The following FHIP1A variants were observed in gnomAD, a reference collection of about 807,000 sequenced individuals.
The protein encoded by FHIP1A is FHF complex subunit HOOK interacting protein 1A, also known as FHF complex subunit HOOK-interacting protein 1A.
A neutral mutation model predicts 88.6 loss-of-function variants in FHIP1A; 61 were observed. That is an observed-to-expected ratio of 0.69 (90% CI 0.56 to 0.85). The LOEUF is 0.85. Ranked by LOEUF, FHIP1A falls within the 40% of genes least tolerant of loss-of-function variation. The pLI is 0.00. For missense variants in FHIP1A, 1,154 were observed against 1,273.5 expected (o/e 0.91, Z 1.43); for synonymous variants, 478 against 496.0 (o/e 0.96, Z 0.48).
At chr4:151,662,316 T>A (rs1424567721) in intron 13 of FHIP1A, among the ~76,000 whole-genome samples, 185 bp from the exon 14 acceptor site, 1 of 152,200 alleles carries the variant, frequency 6.6e-6, no homozygotes. Context: ...GGAGGATATC[T>A]GTTGGGCAAA....
At chr4:151,478,349 C>CT (rs1580612924) in intron 2 of FHIP1A, among the ~76,000 whole-genome samples, 5 of 152,212 alleles carry the variant, frequency 3.3e-5, no homozygotes. Context: ...CATGCCTAGC[C>CT]TCATTTCAAA....
At chr4:151,494,398 A>T (rs925534225) in intron 3 of FHIP1A, among the ~76,000 whole-genome samples, 6 of 152,216 alleles carry the variant, frequency 3.9e-5, no homozygotes, top group African/African-American at 1.4e-4. Flanking sequence ...ATGGCTAGCT[A>T]GTTATGCCAG....
chr4:151,490,028 A>G (rs1172972704), intron 3 of FHIP1A, among the ~76,000 whole-genome samples: 1 of 152,130 alleles, frequency 6.6e-6, no homozygotes. Flanking sequence ...TCTTGAAAGC[A>G]CCACCTCCTG....
chr4:151,452,156 A>G (rs1728813954), intron 1 of FHIP1A, among the ~76,000 whole-genome samples: 1 of 152,188 alleles, frequency 6.6e-6, no homozygotes. Context: ...AACCTCAACA[A>G]GGATTCTGTT....
intron 5 of FHIP1A, among the ~76,000 whole-genome samples, chr4:151,581,948 T>A (rs73862064): frequency 0.42 from 64,355 of 151,908 alleles, 13,753 homozygotes; most frequent in Non-Finnish European, 0.45. Context: ...AAGAAGGAGA[T>A]TGAAGATACT....
chr4:151,602,724 A>G (rs10015816), intron 7 of FHIP1A, among the ~76,000 whole-genome samples: 5,142 of 152,256 alleles, frequency 0.034, 296 homozygotes, highest in African/African-American at 0.12. Flanking sequence ...GGAGTCAGAT[A>G]AGGGGCTCAG....
chr4:151,479,370 G>C (rs1729818045), intron 2 of FHIP1A, among the ~76,000 whole-genome samples: 1 of 152,022 alleles, frequency 6.6e-6, no homozygotes, highest in African/African-American at 2.4e-5. Flanking sequence ...AAGACTTTAA[G>C]TTATTATTAA....
chr4:151,492,774 T>A (rs1730330811), intron 3 of FHIP1A, among the ~76,000 whole-genome samples: 1 of 152,102 alleles, frequency 6.6e-6, no homozygotes, highest in Non-Finnish European at 1.5e-5. Flanking sequence ...CATTAACAAA[T>A]TCTTTGAACT....
intron 3 of FHIP1A, among the ~76,000 whole-genome samples, chr4:151,523,192 G>A (rs186462155): frequency 1.2e-3 from 178 of 152,300 alleles, no homozygotes; most frequent in African/African-American, 4.1e-3. Context: ...ATCAACTTAA[G>A]AAGAGGTGGC....
chr4:151,650,174 G>GCTC lies in FHIP1A; in HGVS notation c.2134_2135insTCC (p.Glu711_Pro712insLeu). The GCTC allele has an allele frequency of 6.4e-7, 1 of 1,551,702 alleles. No individual in the cohort carries two copies. The highest frequency in any genetic ancestry group is 8.7e-7 in the Non-Finnish European group (1 of 1,146,996). ...ACCCGTTTCACAGTGAGCCCAAGGA[G>GCTC]CCAAAGCAAGAGAGGGAACCTGAAG... is the stretch of plus-strand genomic sequence containing the variant. On this transcript the variant is annotated inframe_insertion, in exon 11 of 14. Coordinates refer to ENST00000435205, the MANE Select transcript of FHIP1A (RefSeq NM_001109977.3).
rs962550429 is a variant in FHIP1A, at chr4:151,666,066, C to T, written c.*3312C>T. Among the ~76,000 whole-genome samples the T allele has an allele frequency of 4.6e-5, 7 of 152,240 alleles. No homozygotes were observed. The highest frequency in any genetic ancestry group is 1.7e-4 in the African/African-American group (7 of 41,462). ...TAATTCAGGGCCCGACTTAAAGTTC[C>T]AGACTGAGTGACTTCTGTGGTTCAA... On this transcript the variant is annotated 3_prime_UTR_variant, in exon 14 of 14. Coordinates refer to ENST00000435205, the MANE Select transcript of FHIP1A (RefSeq NM_001109977.3).
chr4:151,662,259 C>T (rs890075015), intron 13 of FHIP1A, among the ~76,000 whole-genome samples: 7 of 152,198 alleles, frequency 4.6e-5, no homozygotes, highest in African/African-American at 1.7e-4. Flanking sequence ...CATGAAGTTC[C>T]TTAGAAGGAA....
chr4:151,535,630 A>G (rs17027669), intron 3 of FHIP1A, among the ~76,000 whole-genome samples: 9 of 152,128 alleles, frequency 5.9e-5, no homozygotes, highest in Non-Finnish European at 1.3e-4. Flanking sequence ...TTTCTCACCT[A>G]TTTACTTACT....
rs578012844 is a variant in FHIP1A at position 151,615,084 on chromosome 4, A to G, written c.979-14618A>G. ...TTGGCAGAAGGATGGCAGGGAGGTA[A>G]AAGGGCAGGGAGTGGTTATAAATCC... On this transcript the variant is annotated intron_variant, in intron 7 of 13. Coordinates refer to ENST00000435205, the MANE Select transcript of FHIP1A (RefSeq NM_001109977.3). Among the ~76,000 whole-genome samples the G allele has an allele frequency of 4.4e-3, 677 of 152,264 alleles. 2 individuals are homozygous for G. The highest frequency in any genetic ancestry group is 6.2e-3 in the Non-Finnish European group (420 of 68,004).
At chr4:151,565,251 C>G (rs1378167906) in intron 3 of FHIP1A, among the ~76,000 whole-genome samples, 1 of 152,114 alleles carries the variant, frequency 6.6e-6, no homozygotes, top group African/African-American at 2.4e-5. Flanking sequence ...TGAGACAATA[C>G]CACTGCCTTA....
intron 9 of FHIP1A, among the ~76,000 whole-genome samples, chr4:151,643,605 C>T (rs557088844): frequency 6.6e-6 from 1 of 152,296 alleles, no homozygotes; most frequent in South Asian, 2.1e-4. Flanking sequence ...CCTTCCCTTC[C>T]CAGCCTCTGT....
At chr4:151,478,161 A>C (rs1017472660) in intron 2 of FHIP1A, among the ~76,000 whole-genome samples, 1 of 152,194 alleles carries the variant, frequency 6.6e-6, no homozygotes, top group African/African-American at 2.4e-5. Flanking sequence ...TGTACACTCG[A>C]AAATGTTCGA....
chr4:151,472,071 A>G (rs1463219081), intron 2 of FHIP1A, among the ~76,000 whole-genome samples: 2 of 152,168 alleles, frequency 1.3e-5, no homozygotes, highest in African/African-American at 4.8e-5. Context: ...GTGAGAAGCC[A>G]TAACTTGATG....
chr4:151,643,797 C>T (rs1736686228), intron 9 of FHIP1A, among the ~76,000 whole-genome samples: 2 of 152,316 alleles, frequency 1.3e-5, no homozygotes, highest in Admixed American at 6.5e-5. Context: ...TTTCCAGTTT[C>T]GTAGACTCTC....
Sources: gnomAD v4.1 joint callset for allele counts (sites outside exome capture counted in the v4.1 genomes callset) on GRCh38, gnomAD v4.1.1 for gene constraint, MANE v1.5 for transcripts, NCBI Gene and HGNC (gene_info 2026-07-23, HGNC 2026-07-21) for gene names.